The following DCC variants were observed in gnomAD, a reference collection of about 807,000 sequenced individuals.
DCC encodes the protein DCC netrin 1 receptor, also known as netrin receptor DCC.
In DCC, 58 loss-of-function variants were observed where a neutral mutation model predicts 172.5. That is an observed-to-expected ratio of 0.34 (90% CI 0.27 to 0.42). The LOEUF (loss-of-function observed/expected upper bound fraction) is 0.42, where lower values mean the gene tolerates loss of function less well. Ranked by LOEUF, DCC falls within the 10% of genes least tolerant of loss-of-function variation. The probability of loss-of-function intolerance (pLI) is 1.00; values close to 1 mark genes in which losing one functional copy is unlikely to be tolerated. For missense variants in DCC, 1,740 were observed against 1,791.0 expected (o/e 0.97, Z 0.51); for synonymous variants, 709 against 644.5 (o/e 1.10, Z -1.52).
chr18:53,446,950 G>A (rs1048265375), intron 22 of DCC, among the ~76,000 whole-genome samples: 2 of 152,144 alleles, frequency 1.3e-5, no homozygotes, highest in Non-Finnish European at 2.9e-5. Context: ...GACTTACAGA[G>A]AAAATATGTT....
intron 2 of DCC, chr18:52,757,238 C>T (rs1177885878): frequency 6.6e-6 from 1 of 152,106 alleles, no homozygotes; most frequent in African/African-American, 2.4e-5. Flanking sequence ...CAATCATTTC[C>T]AAAACATGTA....
intron 26 of DCC, among the ~76,000 whole-genome samples, chr18:53,491,144 G>A (rs998959295): frequency 1.3e-5 from 2 of 152,122 alleles, no homozygotes; most frequent in African/African-American, 4.8e-5. Flanking sequence ...ACAGGAGCCA[G>A]CTGAAAACTT....
At chr18:53,412,649 C>G (rs1380055090) in intron 20 of DCC, among the ~76,000 whole-genome samples, 1 of 118,162 alleles carries the variant, frequency 8.5e-6, no homozygotes, top group East Asian at 2.1e-4. Flanking sequence ...ACTCCCAGTA[C>G]TCACTGGGTA....
intron 25 of DCC, among the ~76,000 whole-genome samples, chr18:53,482,916 T>C (rs995101359): frequency 6.6e-6 from 1 of 151,938 alleles, no homozygotes; most frequent in African/African-American, 2.4e-5. Flanking sequence ...AACTACATTA[T>C]TATTATCATT....
intron 1 of DCC, among the ~76,000 whole-genome samples, chr18:52,354,507 C>T (rs1367684811): frequency 1.3e-5 from 2 of 152,088 alleles, no homozygotes; most frequent in African/African-American, 2.4e-5. Flanking sequence ...GTTTTTTTAA[C>T]CAACTCCTTG....
chr18:53,165,184 A>G (rs61423723), intron 8 of DCC, among the ~76,000 whole-genome samples: 3,271 of 152,270 alleles, frequency 0.021, 41 homozygotes, highest in Middle Eastern at 0.027. Context: ...GAAGGCTCCA[A>G]GATAGCCCCT....
chr18:53,152,268 A>G (rs1167734332), intron 7 of DCC, among the ~76,000 whole-genome samples: 1 of 152,128 alleles, frequency 6.6e-6, no homozygotes, highest in Non-Finnish European at 1.5e-5. Context: ...TGTTATGAGT[A>G]CCCCTTATCT....
intron 11 of DCC, among the ~76,000 whole-genome samples, chr18:53,210,653 G>A (rs1419622665): frequency 2.0e-5 from 3 of 152,020 alleles, no homozygotes; most frequent in Admixed American, 6.6e-5. Context: ...ATATATGACT[G>A]TGTCTAAATG....
rs895747263 is a variant in DCC, at chr18:53,307,065, A to G, written c.2053+1346A>G. Among the ~76,000 whole-genome samples the G allele has an allele frequency of 2.0e-5, 3 of 152,222 alleles. No homozygotes were observed. The East Asian group carries it at 5.8e-4, about 29-fold the overall frequency. ...ACATTATAAGCTTCTTGTTCAGCCT[A>G]CACTCAGAGACTTGAAAGTAACTTG... On this transcript the variant is annotated intron_variant, in intron 13 of 28. Transcript: ENST00000442544.
At chr18:53,060,226 G>A (rs2042474132) in intron 5 of DCC, among the ~76,000 whole-genome samples, 1 of 151,982 alleles carries the variant, frequency 6.6e-6, no homozygotes, top group Admixed American at 6.6e-5. Context: ...TAGAGATGGG[G>A]TTTCACTATG....
chr18:52,402,680 A>G (rs987550491), intron 1 of DCC, among the ~76,000 whole-genome samples: 2 of 151,974 alleles, frequency 1.3e-5, no homozygotes, highest in Non-Finnish European at 2.9e-5. Flanking sequence ...TATTTTCCTT[A>G]TCTCCTTTCT....
chr18:52,655,786 AAAAC>A (rs900200158), intron 1 of DCC, among the ~76,000 whole-genome samples: 5 of 152,178 alleles, frequency 3.3e-5, no homozygotes, highest in East Asian at 1.9e-4. Flanking sequence ...TAATCCATTA[AAAAC>A]AAACAAACAA....
intron 1 of DCC, among the ~76,000 whole-genome samples, chr18:52,741,768 G>C (rs13381698): frequency 0.028 from 4,291 of 152,100 alleles, 94 homozygotes; most frequent in Middle Eastern, 0.051. Context: ...CTATTCCTGG[G>C]GTGGGCTCGT....
chr18:52,452,588 T>C (rs1598830038), intron 1 of DCC, among the ~76,000 whole-genome samples: 1 of 152,186 alleles, frequency 6.6e-6, no homozygotes, highest in Non-Finnish European at 1.5e-5. Flanking sequence ...GTTCCAACAA[T>C]GGGTGAACGT....
intron 1 of DCC, among the ~76,000 whole-genome samples, chr18:52,544,491 C>A (rs1456680319): frequency 1.3e-5 from 2 of 151,514 alleles, no homozygotes; most frequent in African/African-American, 4.9e-5. Flanking sequence ...TCCTTCCCTG[C>A]TGTCTGCTTC....
intron 1 of DCC, among the ~76,000 whole-genome samples, chr18:52,468,160 G>A (rs1988841685): frequency 6.6e-6 from 1 of 152,184 alleles, no homozygotes; most frequent in Non-Finnish European, 1.5e-5. Flanking sequence ...TCTTATAGCA[G>A]CTCGTAGTCT....
intron 7 of DCC, among the ~76,000 whole-genome samples, chr18:53,083,324 T>C (rs1181357902): frequency 1.3e-5 from 2 of 152,260 alleles, no homozygotes; most frequent in East Asian, 3.9e-4. Flanking sequence ...CAATTGGCTA[T>C]AAGTAAAATT....
intron 1 of DCC, among the ~76,000 whole-genome samples, chr18:52,447,082 G>A (rs997342441): frequency 1.3e-5 from 2 of 152,148 alleles, no homozygotes; most frequent in South Asian, 4.1e-4. Context: ...AGACATCAAA[G>A]ACTTTAGTCC....
intron 5 of DCC, among the ~76,000 whole-genome samples, chr18:52,943,220 G>C (rs1310648977): frequency 6.6e-6 from 1 of 152,118 alleles, no homozygotes; most frequent in Non-Finnish European, 1.5e-5. Flanking sequence ...TGTATGAAAG[G>C]CTGATAGAGA....
Sources: gnomAD v4.1 joint callset for allele counts (sites outside exome capture counted in the v4.1 genomes callset) on GRCh38, gnomAD v4.1.1 for gene constraint, MANE v1.5 for transcripts, NCBI Gene and HGNC (gene_info 2026-07-23, HGNC 2026-07-21) for gene names.